The following WDFY4 variants were observed in gnomAD, a reference collection of about 807,000 sequenced individuals.
WDFY4 encodes the protein WDFY family member 4.
In WDFY4, 169 loss-of-function variants were observed where a neutral mutation model predicts 351.9. That is an observed-to-expected ratio of 0.48 (90% confidence interval 0.42 to 0.55). WDFY4 has a LOEUF of 0.55. Among genes scored for constraint, WDFY4 ranks in the 20% least tolerant of loss-of-function variants. WDFY4 has a pLI of 0.00. For missense variants in WDFY4, 3,803 were observed against 3,935.6 expected (o/e 0.97, Z 0.90); for synonymous variants, 1,622 against 1,574.6 (o/e 1.03, Z -0.71).
rs1842465963 is a variant in WDFY4 at position 48,974,514 on chromosome 10, A to AAAAAAAAAAAAC, written c.8929-337_8929-336insCAAAAAAAAAAA. 9.5e-5 allele frequency among the ~76,000 whole-genome samples: 2 copies of AAAAAAAAAAAAC among 21,034 alleles called. 1 individual carries two copies. Among genetic ancestry groups the AAAAAAAAAAAAC allele is most frequent in the African/African-American group, 1.3e-4 (2 of 15,854 alleles). 13.8% of individuals were successfully genotyped at this position (21,034 alleles called of 152,430 possible). On this transcript the variant is annotated intron_variant, in intron 57 of 61. Coordinates refer to ENST00000325239, the MANE Select transcript of WDFY4 (RefSeq NM_001394531.1). ...CAAGACTCCGTCTCAAAAAAAAAAA[A>AAAAAAAAAAAAC]AAAAAAAAAAAAAAACAACTCATGA...
intron 47 of WDFY4, among the ~76,000 whole-genome samples, chr10:48,906,068 G>T (rs145065206): frequency 6.6e-4 from 100 of 152,304 alleles, no homozygotes; most frequent in African/African-American, 2.2e-3. Flanking sequence ...TGAAGCTGAT[G>T]ATTTTTCTTT....
At chr10:48,950,813 G>A (rs561252577) in intron 51 of WDFY4, among the ~76,000 whole-genome samples, 3 of 152,304 alleles carry the variant, frequency 2.0e-5, no homozygotes, top group East Asian at 1.9e-4. Flanking sequence ...GCAGTCACCC[G>A]GTACTGCAGC....
chr10:48,913,862 C>T, intron 47 of WDFY4: 2 of 1,614,070 alleles, frequency 1.2e-6, no homozygotes, highest in African/African-American at 1.3e-5. Flanking sequence ...TGAGGTAGAG[C>T]AGGCTGGTCA....
chr10:48,711,924 C>T (rs956879831), intron 2 of WDFY4, among the ~76,000 whole-genome samples: 3 of 152,140 alleles, frequency 2.0e-5, no homozygotes, highest in Non-Finnish European at 4.4e-5. Flanking sequence ...ATGGGGTTCC[C>T]CAGCTAACCT....
chr10:48,825,823 A>G (rs959433527), intron 35 of WDFY4, among the ~76,000 whole-genome samples: 22 of 151,920 alleles, frequency 1.4e-4, no homozygotes, highest in African/African-American at 5.1e-4. Flanking sequence ...TTTCTTATAA[A>G]TTTGTTAAGT....
chr10:48,734,071 G>A (rs775679692), intron 10 of WDFY4, 36 bp downstream of exon 10: 6 of 1,519,516 alleles, frequency 3.9e-6, no homozygotes, highest in South Asian at 3.6e-5. Flanking sequence ...ATCACTGCTT[G>A]GTAAAACATG....
chr10:48,980,547 G>A (rs117115398), intron 60 of WDFY4, among the ~76,000 whole-genome samples: 2,691 of 152,236 alleles, frequency 0.018, 44 homozygotes, highest in South Asian at 0.079. Flanking sequence ...TTCAGGAATC[G>A]CCTCAAAGAT....
chr10:48,704,070 C>T (rs1343991796), intron 1 of WDFY4, among the ~76,000 whole-genome samples: 1 of 152,158 alleles, frequency 6.6e-6, no homozygotes, highest in African/African-American at 2.4e-5. Flanking sequence ...ATACACACAA[C>T]CCACAGACTC....
chr10:48,960,578 C>T (rs1007318002), intron 53 of WDFY4, among the ~76,000 whole-genome samples: 7 of 152,126 alleles, frequency 4.6e-5, no homozygotes, highest in Non-Finnish European at 1.0e-4. Context: ...GATATTTACT[C>T]CAGAAAATTG....
chr10:48,698,860 G>A (rs961633040), intron 1 of WDFY4, among the ~76,000 whole-genome samples: 2 of 152,218 alleles, frequency 1.3e-5, no homozygotes, highest in African/African-American at 2.4e-5. Flanking sequence ...TTTATTTTAA[G>A]GTACTGGTTC....
At chr10:48,923,506 A>ATATATATATATATGTGTG (rs143983467) in intron 47 of WDFY4, among the ~76,000 whole-genome samples, 3 of 115,116 alleles carry the variant, frequency 2.6e-5, no homozygotes, top group African/African-American at 5.5e-5. Flanking sequence ...GTATATATAT[A>ATATATATATATATGTGTG]TATATATGTC....
Position 48,743,324 on chromosome 10 carries a change from G to C in WDFY4, c.2235G>C (p.Leu745Phe). The change falls in exon 12 of 62, where the codon TTG becomes TTC. Residue 745 changes from leucine (L) to phenylalanine (F), a missense_variant. Leu to Phe is a conservative substitution (Grantham distance 22). Around this residue, in one of 3 missense-constraint regions of WDFY4, gnomAD observed 3,054 missense variants for 3,148.6 expected, o/e 0.97. Transcript: ENST00000325239. The stretch of plus-strand genomic sequence containing the variant: ...CAAAGGCCAGGCCATTTGCAGATTT[G>C]CTGGGCACTGCCTTTTCCTCCAGCG... ...VDTKARPFAD[L>F]LGTAFSSSGS... is the part of the protein sequence containing the mutation. 1 of 1,551,620 alleles carries C rather than the reference G, an allele frequency of 6.4e-7. No individual in the cohort carries two copies. Among genetic ancestry groups the C allele is most frequent in the Non-Finnish European group, 8.7e-7 (1 of 1,146,934 alleles).
At chr10:48,955,187 C>G (rs1449471782) in intron 51 of WDFY4, among the ~76,000 whole-genome samples, 1 of 152,210 alleles carries the variant, frequency 6.6e-6, no homozygotes, top group Non-Finnish European at 1.5e-5. Flanking sequence ...TATTTCGACA[C>G]CCCACCCCCA....
intron 47 of WDFY4, among the ~76,000 whole-genome samples, chr10:48,922,840 A>G (rs1443966349): frequency 1.3e-5 from 2 of 152,312 alleles, no homozygotes; most frequent in Middle Eastern, 3.4e-3. Flanking sequence ...AAAAAGCCAT[A>G]ACTTTAGGTG....
chr10:48,847,523 C>T (rs748056558), intron 39 of WDFY4, among the ~76,000 whole-genome samples: 21 of 152,072 alleles, frequency 1.4e-4, no homozygotes, highest in Non-Finnish European at 2.8e-4. Flanking sequence ...CCAGTAATCC[C>T]TAACCTTCTT....
At chr10:48,846,003 C>T (rs190257826) in intron 39 of WDFY4, among the ~76,000 whole-genome samples, 33 of 152,340 alleles carry the variant, frequency 2.2e-4, no homozygotes, top group Middle Eastern at 3.4e-3. Flanking sequence ...CAGATGGCCT[C>T]TGCCTCACAG....
chr10:48,721,843 A>G (rs2064098450), intron 4 of WDFY4, among the ~76,000 whole-genome samples: 1 of 152,204 alleles, frequency 6.6e-6, no homozygotes, highest in Admixed American at 6.5e-5. Context: ...ATCTGATTCT[A>G]GAACCCATGC....
At chr10:48,903,756 A>C (rs993067232) in intron 47 of WDFY4, among the ~76,000 whole-genome samples, 1 of 152,230 alleles carries the variant, frequency 6.6e-6, no homozygotes, top group Non-Finnish European at 1.5e-5. Flanking sequence ...TCATGGAGCT[A>C]TTGGGCATAT....
intron 39 of WDFY4, among the ~76,000 whole-genome samples, chr10:48,835,495 C>T (rs751528452): frequency 1.3e-5 from 2 of 151,962 alleles, no homozygotes; most frequent in Non-Finnish European, 1.5e-5. Flanking sequence ...GGGAGTCACC[C>T]GCAGCCACCC....
Sources: allele counts gnomAD v4.1 joint callset (sites outside exome capture counted in the v4.1 genomes callset), GRCh38; gene constraint gnomAD v4.1.1; regional missense constraint gnomAD v4.1.1; transcripts MANE v1.5; gene names NCBI Gene and HGNC (gene_info 2026-07-23, HGNC 2026-07-21).